The following RAD51B variants were observed in gnomAD, a reference collection of about 807,000 sequenced individuals.
RAD51B encodes DNA repair protein RAD51 homolog 2.
RAD51B carries 38 observed loss-of-function variants against 42.2 expected under a neutral mutation model. The observed-to-expected ratio is 0.90, with a 90% CI of 0.70 to 1.18. The LOEUF is 1.18. Ranked by LOEUF, RAD51B falls within the 50% of genes most tolerant of loss-of-function variation. The pLI is 0.00. For synonymous variants in RAD51B, 154 were observed against 145.2 expected (o/e 1.06, Z -0.43); for missense variants, 373 against 400.7 (o/e 0.93, Z 0.59).
At chr14:68,520,299 T>C (rs1886484178) in intron 10 of RAD51B, among the ~76,000 whole-genome samples, 1 of 152,186 alleles carries the variant, frequency 6.6e-6, no homozygotes, top group African/African-American at 2.4e-5. Flanking sequence ...TTCCAAAACA[T>C]AATCCAAAGC....
chr14:68,654,941 TC>T (rs925826674), intron 11 of RAD51B, among the ~76,000 whole-genome samples: 6 of 151,604 alleles, frequency 4.0e-5, no homozygotes, highest in Admixed American at 1.3e-4. Flanking sequence ...TCCAGCTCCC[TC>T]CCCCCCTGCC....
intron 5 of RAD51B, among the ~76,000 whole-genome samples, chr14:67,873,370 A>C (rs1455941660): frequency 6.6e-6 from 1 of 152,184 alleles, no homozygotes; most frequent in Non-Finnish European, 1.5e-5. Context: ...GAGAAATGCA[A>C]CTCAAAACCA....
intron 7 of RAD51B, among the ~76,000 whole-genome samples, chr14:68,189,190 A>C (rs1032127114): frequency 1.3e-5 from 2 of 152,096 alleles, no homozygotes; most frequent in African/African-American, 2.4e-5. Flanking sequence ...ATAAGTATAC[A>C]GTTGATGTAT....
intron 7 of RAD51B, among the ~76,000 whole-genome samples, chr14:67,950,054 C>T (rs1371499794): frequency 6.6e-6 from 1 of 152,004 alleles, no homozygotes; most frequent in Non-Finnish European, 1.5e-5. Flanking sequence ...CTTTTGGGGG[C>T]CCTAGGATTT....
intron 10 of RAD51B, among the ~76,000 whole-genome samples, chr14:68,537,264 C>T (rs999537504): frequency 2.6e-5 from 4 of 151,890 alleles, no homozygotes; most frequent in East Asian, 1.9e-4. Flanking sequence ...TTTGGGAGGC[C>T]GAGGCGGGCG....
intron 7 of RAD51B, among the ~76,000 whole-genome samples, chr14:67,967,463 C>A (rs932776570): frequency 1.3e-5 from 2 of 152,176 alleles, no homozygotes; most frequent in Non-Finnish European, 2.9e-5. Flanking sequence ...TGTGAGACTG[C>A]AAAATCAAAA....
chr14:68,062,408 T>C (rs1566615391), intron 7 of RAD51B, among the ~76,000 whole-genome samples: 2 of 152,170 alleles, frequency 1.3e-5, no homozygotes, highest in Admixed American at 1.3e-4. Flanking sequence ...GCTGGACTTA[T>C]AGAATGAGTT....
At chr14:68,327,507 C>A (rs998725047) in intron 8 of RAD51B, among the ~76,000 whole-genome samples, 5 of 151,878 alleles carry the variant, frequency 3.3e-5, no homozygotes, top group Non-Finnish European at 7.4e-5. Context: ...GCTTCCCAAA[C>A]CTTTCTCAGC....
At chr14:67,953,845 A>G (rs189230513) in intron 7 of RAD51B, among the ~76,000 whole-genome samples, 37 of 152,286 alleles carry the variant, frequency 2.4e-4, no homozygotes, top group African/African-American at 8.7e-4. Context: ...GAAATTAAGA[A>G]GATGTATTAA....
At chr14:68,675,063 A>G (rs1893275758) in intron 11 of RAD51B, among the ~76,000 whole-genome samples, 1 of 152,226 alleles carries the variant, frequency 6.6e-6, no homozygotes. Flanking sequence ...CGACAGCCTA[A>G]TAAAACTTCC....
chr14:68,037,419 C>G (rs1340022701), intron 7 of RAD51B, among the ~76,000 whole-genome samples: 1 of 151,380 alleles, frequency 6.6e-6, no homozygotes, highest in Non-Finnish European at 1.5e-5. Context: ...CAGGGTTTTA[C>G]CACGTTGGCC....
intron 7 of RAD51B, among the ~76,000 whole-genome samples, chr14:67,909,846 C>T (rs148955278): frequency 1.6e-3 from 243 of 152,152 alleles, no homozygotes; most frequent in African/African-American, 5.3e-3. Context: ...TTTAAAGATG[C>T]GGTCTCACCA....
chr14:68,233,486 A>C (rs1001956870), intron 7 of RAD51B, among the ~76,000 whole-genome samples: 3 of 152,206 alleles, frequency 2.0e-5, no homozygotes, highest in African/African-American at 7.2e-5. Flanking sequence ...TTTTATAATA[A>C]TTTAGTCTTC....
intron 11 of RAD51B, among the ~76,000 whole-genome samples, chr14:68,653,216 C>T (rs1892737129): frequency 6.6e-6 from 1 of 152,112 alleles, no homozygotes; most frequent in Non-Finnish European, 1.5e-5. Flanking sequence ...AGCTGGGTGC[C>T]TCGGTGCATG....
intron 10 of RAD51B, among the ~76,000 whole-genome samples, chr14:68,476,014 A>G (rs1359001600): frequency 1.3e-5 from 2 of 150,936 alleles, no homozygotes; most frequent in South Asian, 2.1e-4. Flanking sequence ...TTCACAAAGC[A>G]TGGTGCTCAG....
At chr14:67,863,598 CCT>C (rs765444993) in intron 4 of RAD51B, among the ~76,000 whole-genome samples, 3 of 151,822 alleles carry the variant, frequency 2.0e-5, no homozygotes, top group South Asian at 2.1e-4. Flanking sequence ...GACTTTTTTC[CCT>C]CTCTTAGATT....
chr14:67,970,317 T>C (rs1211378145), intron 7 of RAD51B, among the ~76,000 whole-genome samples: 1 of 152,168 alleles, frequency 6.6e-6, no homozygotes, highest in African/African-American at 2.4e-5. Context: ...TTGGAATTGC[T>C]GTTTATTTGT....
chr14:68,466,408 G>A (rs1282640324), intron 9 of RAD51B, among the ~76,000 whole-genome samples: 1 of 152,234 alleles, frequency 6.6e-6, no homozygotes, highest in South Asian at 2.1e-4. Context: ...GACTTAACAA[G>A]TTTAGGTTGT....
At chr14:67,967,558 A>G (rs1264603933) in intron 7 of RAD51B, among the ~76,000 whole-genome samples, 2 of 152,244 alleles carry the variant, frequency 1.3e-5, no homozygotes, top group Non-Finnish European at 2.9e-5. Flanking sequence ...TGGCTAAAAC[A>G]AAGGGGCTAC....
Sources: allele counts gnomAD v4.1 joint callset (sites outside exome capture counted in the v4.1 genomes callset), GRCh38; gene constraint gnomAD v4.1.1; transcripts MANE v1.5; gene names NCBI Gene and HGNC (gene_info 2026-07-23, HGNC 2026-07-21).